Variants in STPG2 observed in about 807,000 individuals in gnomAD.
The protein encoded by STPG2 is sperm-tail PG-rich repeat-containing protein 2.
In STPG2, 56 loss-of-function variants were observed where a neutral mutation model predicts 54.2. The ratio of observed to expected loss-of-function variants is 1.03; its 90% CI spans 0.83 to 1.29. The LOEUF is 1.29. Ranked by LOEUF, STPG2 falls within the 50% of genes most tolerant of loss-of-function variation. The pLI, the probability that STPG2 is intolerant of heterozygous loss-of-function variation, is 0.00. For synonymous variants in STPG2, 200 were observed against 181.8 expected (o/e 1.10, Z -0.81); for missense variants, 596 against 544.9 (o/e 1.09, Z -0.93).
At chr4:97,628,026 C>T (rs763033927) in intron 10 of STPG2, among the ~76,000 whole-genome samples, 1 of 152,146 alleles carries the variant, frequency 6.6e-6, no homozygotes, top group Non-Finnish European at 1.5e-5. Context: ...CTGCTTTACT[C>T]AGACCACAGG....
chr4:97,584,430 TGA>T (rs1394320514), intron 10 of STPG2, among the ~76,000 whole-genome samples: 6 of 151,726 alleles, frequency 4.0e-5, no homozygotes, highest in African/African-American at 1.4e-4. Context: ...TCAAAAAGTC[TGA>T]GAGAGCAGAA....
At chr4:97,623,506 C>T (rs780616796) in intron 10 of STPG2, among the ~76,000 whole-genome samples, 1 of 152,008 alleles carries the variant, frequency 6.6e-6, no homozygotes, top group African/African-American at 2.4e-5. Flanking sequence ...GAAAAAAATG[C>T]TTAATATCAC....
chr4:97,808,091 AGAT>A (rs1459476558), intron 9 of STPG2, among the ~76,000 whole-genome samples: 6 of 152,160 alleles, frequency 3.9e-5, no homozygotes, highest in Non-Finnish European at 7.4e-5. Context: ...AAAAAGAAAA[AGAT>A]AATTCTTCAC....
intron 4 of STPG2, among the ~76,000 whole-genome samples, chr4:97,531,565 G>C (rs1002279066): frequency 6.6e-6 from 1 of 152,142 alleles, no homozygotes; most frequent in Admixed American, 6.5e-5. Context: ...CAACAACATT[G>C]ATGGAAATGG....
intron 5 of STPG2, among the ~76,000 whole-genome samples, chr4:98,085,795 A>T (rs1382844338): frequency 1.3e-5 from 2 of 151,992 alleles, no homozygotes; most frequent in African/African-American, 4.8e-5. Flanking sequence ...ATAATATGTT[A>T]TTTCATTAAA....
At chr4:97,896,055 C>G (rs577520792) in intron 8 of STPG2, among the ~76,000 whole-genome samples, 1 of 151,738 alleles carries the variant, frequency 6.6e-6, no homozygotes, top group Non-Finnish European at 1.5e-5. Flanking sequence ...CAATTTCCTT[C>G]CAAGTGTCAT....
chr4:97,704,587 T>C (rs1408107231), intron 10 of STPG2, among the ~76,000 whole-genome samples: 1 of 152,210 alleles, frequency 6.6e-6, no homozygotes, highest in Non-Finnish European at 1.5e-5. Context: ...AAAGACCTTT[T>C]TAGAATGGCA....
chr4:97,565,335 C>G (rs962860474), intron 10 of STPG2, among the ~76,000 whole-genome samples: 1 of 152,144 alleles, frequency 6.6e-6, no homozygotes, highest in Non-Finnish European at 1.5e-5. Context: ...ATACATTCAT[C>G]GAAATTTTTT....
Position 98,134,480 on chromosome 4 carries a change from G to T in STPG2, c.110-21C>A. 2.1e-6 allele frequency: 3 copies of T among 1,456,888 alleles called. No individual in the cohort carries two copies. In the South Asian group the frequency reaches 3.9e-5, roughly 19 times the overall value. The allele number at this position is 1,456,888 out of a possible 1,614,324, so 90.2% of individuals were successfully genotyped here. ...ACTACCTATAAAAATAAAATCATAT[G>T]ACCAGCAGATAAGATAAGAGTCCAA... On this transcript the variant is annotated intron_variant, in intron 1 of 10. Coordinates refer to ENST00000295268, the MANE Select transcript of STPG2 (RefSeq NM_174952.3).
At chr4:97,530,824 C>A (rs562434532) in intron 4 of STPG2, among the ~76,000 whole-genome samples, 8 of 152,134 alleles carry the variant, frequency 5.3e-5, no homozygotes, top group Non-Finnish European at 1.2e-4. Flanking sequence ...AGAGTTTGTG[C>A]ACTTTGGGGA....
chr4:97,763,942 T>C (rs531634921), intron 9 of STPG2, among the ~76,000 whole-genome samples: 22 of 152,082 alleles, frequency 1.4e-4, no homozygotes, highest in Non-Finnish European at 3.1e-4. Context: ...GCCTACAAAA[T>C]TTGACCCAAG....
At chr4:97,874,962 A>C (rs1438828469) in intron 8 of STPG2, among the ~76,000 whole-genome samples, 1 of 151,992 alleles carries the variant, frequency 6.6e-6, no homozygotes, top group Non-Finnish European at 1.5e-5. Context: ...CCTGTCATTT[A>C]AGCCACCCAA....
intron 10 of STPG2, among the ~76,000 whole-genome samples, chr4:97,563,088 G>C (rs1304141634): frequency 6.6e-6 from 1 of 152,002 alleles, no homozygotes; most frequent in African/African-American, 2.4e-5. Flanking sequence ...CTTTTTGTTT[G>C]GTAAACTATT....
chr4:97,505,511 A>C (rs188944740), intron 4 of STPG2, among the ~76,000 whole-genome samples: 26 of 152,026 alleles, frequency 1.7e-4, no homozygotes, highest in Admixed American at 1.7e-3. Flanking sequence ...AGGATGACAA[A>C]GGCAGATTTA....
At chr4:97,915,508 G>A (rs116441247) in intron 8 of STPG2, among the ~76,000 whole-genome samples, 362 of 152,176 alleles carry the variant, frequency 2.4e-3, no homozygotes, top group African/African-American at 8.4e-3. Flanking sequence ...ATGATTCAAG[G>A]CAGAATGTGA....
At chr4:98,086,814 T>C (rs542087392) in intron 5 of STPG2, among the ~76,000 whole-genome samples, 1 of 152,298 alleles carries the variant, frequency 6.6e-6, no homozygotes, top group Admixed American at 6.5e-5. Context: ...CCTCCCATTC[T>C]TTCCCTGCTC....
chr4:98,113,063 G>T (rs1378240149), intron 3 of STPG2, among the ~76,000 whole-genome samples: 2 of 140,452 alleles, frequency 1.4e-5, no homozygotes, highest in Non-Finnish European at 3.1e-5. Flanking sequence ...TTGGCTAAAA[G>T]AAAAAAAAAA....
At chr4:97,691,304 C>T (rs1351993057) in intron 10 of STPG2, among the ~76,000 whole-genome samples, 1 of 152,070 alleles carries the variant, frequency 6.6e-6, no homozygotes, top group Non-Finnish European at 1.5e-5. Flanking sequence ...TCACCAGCTG[C>T]CTCGAAATAA....
intron 5 of STPG2, among the ~76,000 whole-genome samples, chr4:98,050,099 T>C (rs1737271108): frequency 6.6e-6 from 1 of 152,176 alleles, no homozygotes; most frequent in African/African-American, 2.4e-5. Context: ...AATTACAATG[T>C]ATGGATCTTA....
Sources: gnomAD v4.1 joint callset for allele counts (sites outside exome capture counted in the v4.1 genomes callset) on GRCh38, gnomAD v4.1.1 for gene constraint, MANE v1.5 for transcripts, NCBI Gene and HGNC (gene_info 2026-07-23, HGNC 2026-07-21) for gene names.